NRXN1: variants seen among roughly 807,000 people sequenced by gnomAD.
NRXN1 encodes neurexin 1.
Under a neutral mutation model 150.9 loss-of-function variants are expected in NRXN1, and 39 were observed. The ratio of observed to expected loss-of-function variants is 0.26; its 90% CI spans 0.20 to 0.34. The LOEUF is 0.34. Among genes scored for constraint, NRXN1 ranks in the 10% least tolerant of loss-of-function variants. The pLI is 1.00. For missense variants in NRXN1, 1,815 were observed against 1,949.9 expected (o/e 0.93, Z 1.30); for synonymous variants, 924 against 757.0 (o/e 1.22, Z -3.62).
chr2:50,594,784 C>T (rs1052714206), intron 8 of NRXN1, among the ~76,000 whole-genome samples: 1 of 152,052 alleles, frequency 6.6e-6, no homozygotes, highest in Non-Finnish European at 1.5e-5. Context: ...CTTGTTTTCC[C>T]TTTTTGCCAT....
intron 5 of NRXN1, among the ~76,000 whole-genome samples, chr2:50,653,991 T>TTC (rs1686021977): frequency 6.6e-6 from 1 of 151,228 alleles, no homozygotes; most frequent in African/African-American, 2.4e-5. Flanking sequence ...TTTTTTTTTT[T>TTC]TCTGGTTCTC....
chr2:50,475,627 G>C (rs6545173), intron 15 of NRXN1, among the ~76,000 whole-genome samples: 134,987 of 151,994 alleles, frequency 0.89, 60,190 homozygotes, highest in Non-Finnish European at 0.92. Context: ...TTCAAACATA[G>C]CAAGGTAGAC....
rs943033087 is a variant in NRXN1, at chr2:50,916,028, T to C, written c.832+5841A>G. Among the ~76,000 whole-genome samples, 4 of 144,918 alleles carry C rather than the reference T, an allele frequency of 2.8e-5. No individual in the cohort carries two copies. The East Asian group carries it at 8.2e-4, about 30-fold the overall frequency. On this transcript the variant is annotated intron_variant, in intron 5 of 22. Coordinates refer to ENST00000401669, the MANE Select transcript of NRXN1 (RefSeq NM_001330078.2). ...TTACTCCCTCAAATGAAAATCTTGA[T>C]AATGAGAGACACCGGCATTCTAGAT...
At chr2:50,536,255 G>A (rs1423194291) in intron 10 of NRXN1, among the ~76,000 whole-genome samples, 13 of 152,064 alleles carry the variant, frequency 8.5e-5, no homozygotes, top group Admixed American at 7.9e-4. Flanking sequence ...AATACACATG[G>A]GTAGTCCAGT....
intron 18 of NRXN1, among the ~76,000 whole-genome samples, chr2:50,204,777 A>G (rs1057328428): frequency 6.6e-6 from 1 of 152,036 alleles, no homozygotes; most frequent in Non-Finnish European, 1.5e-5. Context: ...TCAGGAGCCA[A>G]AAATAACCAA....
At chr2:50,357,110 C>A (rs2078870636) in intron 17 of NRXN1, among the ~76,000 whole-genome samples, 1 of 151,756 alleles carries the variant, frequency 6.6e-6, no homozygotes, top group African/African-American at 2.4e-5. Flanking sequence ...GACCCCATCT[C>A]TACAAAAAAT....
At chr2:50,177,144 G>C (rs544123015) in intron 18 of NRXN1, among the ~76,000 whole-genome samples, 2 of 152,106 alleles carry the variant, frequency 1.3e-5, no homozygotes, top group East Asian at 1.9e-4. Flanking sequence ...ACATGTGCTT[G>C]TTACATGGAT....
intron 5 of NRXN1, among the ~76,000 whole-genome samples, chr2:50,765,790 C>T (rs970466146): frequency 2.0e-5 from 3 of 151,926 alleles, no homozygotes; most frequent in Non-Finnish European, 4.4e-5. Context: ...AACAGTGAGT[C>T]AGCATTTTTT....
At position 50,380,385 on chromosome 2, in the gene NRXN1, A is replaced by G. The variant is rs115670877; in HGVS notation, c.3364+85057T>C. Reference sequence around the variant, plus strand: ...ACATATCATGACTATCTTAACTGTCAAAATGGTCCTAAGGTTTTGACGCAA... The same window carrying G: ...ACATATCATGACTATCTTAACTGTCGAAATGGTCCTAAGGTTTTGACGCAA... On this transcript the variant is annotated intron_variant, in intron 17 of 22. Transcript: ENST00000401669. Among the ~76,000 whole-genome samples, 1,096 of 152,194 alleles carry G rather than the reference A, an allele frequency of 7.2e-3. 19 individuals are homozygous for G. Among genetic ancestry groups the G allele is most frequent in the African/African-American group, 0.025 (1,041 of 41,518 alleles).
rs1330347812 is a variant in NRXN1, at chr2:50,089,408, T to C, written c.3718+1915A>G. ...AGTGTGATGACTTTCTCTCAGCAAA[T>C]AGGCAGTGATTAATCCATATTTTAG... On this transcript the variant is annotated intron_variant, in intron 19 of 22. Coordinates refer to ENST00000401669, the MANE Select transcript of NRXN1 (RefSeq NM_001330078.2). 3.9e-5 allele frequency among the ~76,000 whole-genome samples: 6 copies of C among 152,300 alleles called. No individual in the cohort carries two copies. In the East Asian group the frequency reaches 1.2e-3, roughly 29 times the overall value.
At chr2:50,881,413 G>A (rs1162755390) in intron 5 of NRXN1, among the ~76,000 whole-genome samples, 2 of 151,774 alleles carry the variant, frequency 1.3e-5, no homozygotes, top group African/African-American at 4.8e-5. Context: ...AATGTTATTC[G>A]GCTATAAATT....
At chr2:50,160,386 C>T (rs542191939) in intron 18 of NRXN1, among the ~76,000 whole-genome samples, 4 of 151,874 alleles carry the variant, frequency 2.6e-5, no homozygotes, top group Non-Finnish European at 5.9e-5. Flanking sequence ...ACTAAAAATA[C>T]AAAAATTAGC....
chr2:50,012,812 T>C (rs1363917883), intron 21 of NRXN1, among the ~76,000 whole-genome samples: 1 of 152,186 alleles, frequency 6.6e-6, no homozygotes. Flanking sequence ...CCATTTTTTT[T>C]ATAATGTAGT....
intron 5 of NRXN1, among the ~76,000 whole-genome samples, chr2:50,759,313 T>A (rs1701526340): frequency 1.3e-5 from 2 of 151,894 alleles, no homozygotes; most frequent in South Asian, 4.1e-4. Flanking sequence ...GAAATGGGAC[T>A]GATGGGAGAA....
intron 17 of NRXN1, among the ~76,000 whole-genome samples, chr2:50,431,309 A>G (rs1246136550): frequency 6.6e-6 from 1 of 152,192 alleles, no homozygotes; most frequent in Non-Finnish European, 1.5e-5. Context: ...TTTTTCCTAA[A>G]TGACTTCTTT....
At chr2:50,786,953 C>T (rs542046249) in intron 5 of NRXN1, among the ~76,000 whole-genome samples, 1 of 152,096 alleles carries the variant, frequency 6.6e-6, no homozygotes, top group South Asian at 2.1e-4. Flanking sequence ...GGTGACAAAA[C>T]AGCCCTTTAC....
At chr2:50,454,940 C>G (rs2087391715) in intron 17 of NRXN1, among the ~76,000 whole-genome samples, 2 of 152,132 alleles carry the variant, frequency 1.3e-5, no homozygotes, top group Non-Finnish European at 2.9e-5. Context: ...TGAGCTGGAT[C>G]ATCTCCACAG....
At chr2:50,530,591 G>A (rs1001752212) in intron 11 of NRXN1, among the ~76,000 whole-genome samples, 2 of 152,138 alleles carry the variant, frequency 1.3e-5, no homozygotes, top group Admixed American at 1.3e-4. Context: ...AAGCAGGAAA[G>A]CATTATCTTT....
At chr2:50,688,924 A>C (rs1484796279) in intron 5 of NRXN1, among the ~76,000 whole-genome samples, 1 of 152,154 alleles carries the variant, frequency 6.6e-6, no homozygotes, top group African/African-American at 2.4e-5. Context: ...GCATCACACT[A>C]AGCTATGCTT....
Sources: gnomAD v4.1 joint callset for allele counts (sites outside exome capture counted in the v4.1 genomes callset) on GRCh38, gnomAD v4.1.1 for gene constraint, MANE v1.5 for transcripts, NCBI Gene and HGNC (gene_info 2026-07-23, HGNC 2026-07-21) for gene names.